DNPEP: variants seen among roughly 807,000 people sequenced by gnomAD.
The protein encoded by DNPEP is aspartyl aminopeptidase.
Under a neutral mutation model 59.1 loss-of-function variants are expected in DNPEP, and 46 were observed. The observed-to-expected ratio is 0.78, with a 90% confidence interval of 0.61 to 0.99. The LOEUF (loss-of-function observed/expected upper bound fraction) is 0.99, where lower values mean the gene tolerates loss of function less well. Ranked by LOEUF, DNPEP falls within the 50% of genes least tolerant of loss-of-function variation. DNPEP has a pLI of 0.00. For synonymous variants in DNPEP, 229 were observed against 242.2 expected, an observed-to-expected ratio of 0.95 and a Z score of 0.50; for missense variants, 617 against 649.9, an observed-to-expected ratio of 0.95 and a Z score of 0.55.
intron 14 of DNPEP, 70 bp downstream of exon 14, chr2:219,374,779 TGTTGTC>T: frequency 6.6e-7 from 1 of 1,521,568 alleles, no homozygotes; most frequent in Admixed American, 1.8e-5. Flanking sequence ...GTGATGGCGA[TGTTGTC>T]CCAGCAACCA....
rs893274121 is a variant in DNPEP at position 219,372,151 on chromosome 2, C to G, written c.*2141G>C. 6.6e-6 allele frequency among the ~76,000 whole-genome samples: 1 copy of G among 151,930 alleles called. No homozygotes were observed. Among genetic ancestry groups the G allele is most frequent in the South Asian group, 2.1e-4 (1 of 4,812 alleles). On this transcript the variant is annotated 3_prime_UTR_variant, in exon 15 of 15. Coordinates refer to ENST00000273075, the MANE Select transcript of DNPEP (RefSeq NM_012100.4). ...CATCTATACAATAAAATACTGTACGCCAATTGTAAGAGTAAATACAGTGTG... is the reference window on the plus strand; with the variant it reads ...CATCTATACAATAAAATACTGTACGGCAATTGTAAGAGTAAATACAGTGTG...
At chr2:219,394,067 C>A (rs1954058881) in intron 1 of DNPEP, among the ~76,000 whole-genome samples, 1 of 152,138 alleles carries the variant, frequency 6.6e-6, no homozygotes, top group South Asian at 2.1e-4. Flanking sequence ...CCCCAGTCTC[C>A]CTCCAGCAGT....
At position 219,387,062 on chromosome 2, in the gene DNPEP, C is replaced by T. The variant is rs1044107862; in HGVS notation, c.130+8G>A. ...CCACCCTCCTCCCTTGCCCTGGCCA[C>T]CGCTTACCATGGAAAGGAGAGGGAC... On this transcript the variant is annotated splice_region_variant and intron_variant, in intron 2 of 14. Coordinates refer to ENST00000273075, the MANE Select transcript of DNPEP (RefSeq NM_012100.4). 2.5e-6 allele frequency: 4 copies of T among 1,608,522 alleles called. No homozygotes were observed. The highest frequency in any genetic ancestry group is 3.4e-6 in the Non-Finnish European group (4 of 1,177,128).
rs574663932 is a variant in DNPEP, at chr2:219,373,916, C to A, written c.*376G>T. The A allele has an allele frequency of 8.4e-6, 2 of 237,202 alleles. No homozygotes were observed. Among genetic ancestry groups the A allele is most frequent in the Non-Finnish European group, 1.7e-5 (2 of 120,032 alleles). 14.7% of individuals were successfully genotyped at this position (237,202 alleles called of 1,614,324 possible). On this transcript the variant is annotated 3_prime_UTR_variant, in exon 15 of 15. Coordinates refer to ENST00000273075, the MANE Select transcript of DNPEP (RefSeq NM_012100.4). ...GGATCTCTGAAGGCAGAGCGGGACA[C>A]CCATTCTGGGGATGGAAAGAGGGAA...
At position 219,374,876 on chromosome 2, in the gene DNPEP, G is replaced by A. The variant is rs1953306343; in HGVS notation, c.1386C>T (p.Leu462=). Residue 462 remains leucine (L), a synonymous_variant, in exon 14 of 15, where the codon CTC becomes CTT. Coordinates refer to ENST00000273075, the MANE Select transcript of DNPEP (RefSeq NM_012100.4). Reference sequence around the variant, plus strand: ...TTACCTTGAAGAGGGTGAGGGTCTGGAGGACTCCTGTGGTGCAGGCCATCT... The same window carrying A: ...TTACCTTGAAGAGGGTGAGGGTCTGAAGGACTCCTGTGGTGCAGGCCATCT... ...IREMACTTGV[L]QTLTLFKGFF... 1 of 1,614,070 alleles carries A rather than the reference G, an allele frequency of 6.2e-7. No homozygotes were observed. The highest frequency in any genetic ancestry group is 1.3e-5 in the African/African-American group (1 of 74,926).
chr2:219,384,097 G>A lies in DNPEP; in HGVS notation c.852+269C>T, dbSNP rs553390506. 3.3e-4 allele frequency among the ~76,000 whole-genome samples: 51 copies of A among 152,336 alleles called. No individual in the cohort carries two copies. In the South Asian group the frequency reaches 9.9e-3, roughly 30 times the overall value. On this transcript the variant is annotated intron_variant, in intron 9 of 14. Coordinates refer to ENST00000273075, the MANE Select transcript of DNPEP (RefSeq NM_012100.4). ...CTTCAGGAAAAGCAGCAGGAGCAAG[G>A]CTAGGACAAGAGACCATGGTGCCTG...
intron 10 of DNPEP, among the ~76,000 whole-genome samples, chr2:219,382,820 A>G (rs1454298240): frequency 6.6e-6 from 1 of 152,208 alleles, no homozygotes; most frequent in East Asian, 1.9e-4. Flanking sequence ...CTGCAGCCTC[A>G]CACACGCAGG....
At chr2:219,375,059 G>A in intron 13 of DNPEP, 37 bp from the exon 14 acceptor site, 1 of 1,608,580 alleles carries the variant, frequency 6.2e-7, no homozygotes, top group African/African-American at 1.3e-5. Flanking sequence ...AACATGCAGT[G>A]TGTGCTTATC....
intron 13 of DNPEP, among the ~76,000 whole-genome samples, chr2:219,379,119 T>C (rs942455858): frequency 3.9e-5 from 6 of 152,162 alleles, no homozygotes; most frequent in Non-Finnish European, 7.3e-5. Flanking sequence ...GGTTTCACCA[T>C]GTTGGCCAGC....
intron 6 of DNPEP, 25 bp downstream of exon 6, chr2:219,385,943 C>G (rs769333907): frequency 6.2e-7 from 1 of 1,612,442 alleles, no homozygotes; most frequent in Non-Finnish European, 8.5e-7. Flanking sequence ...CCCTCCCAGC[C>G]ACCGCAGCCC....
intron 12 of DNPEP, 21 bp from the exon 13 acceptor site, chr2:219,381,457 G>A (rs1451433930): frequency 2.5e-6 from 4 of 1,613,946 alleles, no homozygotes; most frequent in Admixed American, 3.3e-5. Flanking sequence ...TCAAGGTGAG[G>A]CAGAGGTAAT....
intron 14 of DNPEP, 76 bp downstream of exon 14, chr2:219,374,779 T>C: frequency 6.6e-7 from 1 of 1,521,568 alleles, no homozygotes; most frequent in Non-Finnish European, 9.0e-7. Flanking sequence ...GTGATGGCGA[T>C]GTTGTCCCAG....
intron 13 of DNPEP, among the ~76,000 whole-genome samples, chr2:219,375,579 T>A (rs1163977346): frequency 6.6e-6 from 1 of 152,190 alleles, no homozygotes; most frequent in Non-Finnish European, 1.5e-5. Flanking sequence ...TTATTTATTT[T>A]GAGATGGAGT....
In DNPEP at chr2:219,372,923, ATTAAG is replaced by A. The variant is rs1245347678; in HGVS notation, c.*1364_*1368del. Among the ~76,000 whole-genome samples the A allele has an allele frequency of 5.3e-5, 8 of 152,302 alleles. No homozygotes were observed. The highest frequency in any genetic ancestry group is 1.9e-4 in the African/African-American group (8 of 41,562). On this transcript the variant is annotated 3_prime_UTR_variant, in exon 15 of 15. Coordinates refer to ENST00000273075, the MANE Select transcript of DNPEP (RefSeq NM_012100.4). ...TGATATAGAAATATCTCTATATTAT[ATTAAG>A]TTTTTTAGAAAGCTGAAGTGGAATA...
chr2:219,393,914 C>T (rs773401918), intron 1 of DNPEP, among the ~76,000 whole-genome samples: 2 of 152,276 alleles, frequency 1.3e-5, no homozygotes, highest in South Asian at 2.1e-4. Context: ...CAAGATTCCA[C>T]CCCTCTTGCT....
upstream of DNPEP, among the ~76,000 whole-genome samples, chr2:219,392,677 T>C (rs375597975): frequency 4.6e-4 from 70 of 152,284 alleles, 2 homozygotes; most frequent in South Asian, 0.014. Flanking sequence ...CCTGGCTCAT[T>C]TTTTGTATTT....
At position 219,384,376 on chromosome 2, in the gene DNPEP, C is replaced by T. The variant is rs1298309457; in HGVS notation, c.842G>A (p.Cys281Tyr). Residue 281 changes from cysteine to tyrosine, a missense_variant, in exon 9 of 15, where the codon TGT becomes TAT. Physicochemically the swap from Cys to Tyr is radical, Grantham distance 194. Transcript: ENST00000273075. Reference sequence around the variant, plus strand: ...GCCCCGGCTCCTCACCTGCAGGGCACAGAAGCAGCTGTGCAGATTGTCCAG... The same window carrying T: ...GCCCCGGCTCCTCACCTGCAGGGCATAGAAGCAGCTGTGCAGATTGTCCAG... Reference protein sequence around the residue: ...PRLDNLHSCFCALQALIDSCA... With the variant: ...PRLDNLHSCFYALQALIDSCA... The T allele has an allele frequency of 6.2e-7, 1 of 1,610,140 alleles. No individual in the cohort carries two copies. The highest frequency in any genetic ancestry group is 8.5e-7 in the Non-Finnish European group (1 of 1,178,360).
chr2:219,389,883 T>G (rs1338061081), upstream of DNPEP, among the ~76,000 whole-genome samples: 1 of 148,268 alleles, frequency 6.7e-6, no homozygotes, highest in East Asian at 2.0e-4. Context: ...GAGCAGGACA[T>G]GGAGAGAGCA....
At chr2:219,374,798 C>A in intron 14 of DNPEP, 57 bp downstream of exon 14, 1 of 1,575,558 alleles carries the variant, frequency 6.3e-7, no homozygotes, top group Non-Finnish European at 8.7e-7. Context: ...AGCAACCAAT[C>A]CAGGCACTAG....
Sources: allele counts gnomAD v4.1 joint callset (sites outside exome capture counted in the v4.1 genomes callset), GRCh38; gene constraint gnomAD v4.1.1; transcripts MANE v1.5; gene names NCBI Gene and HGNC (gene_info 2026-07-23, HGNC 2026-07-21).